ANXA10: variants seen among roughly 807,000 people sequenced by gnomAD.
The protein encoded by ANXA10 is annexin 14.
ANXA10 carries 49 observed loss-of-function variants against 53.5 expected under a neutral mutation model. The observed-to-expected ratio is 0.92, with a 90% CI of 0.73 to 1.16. ANXA10 has a LOEUF of 1.16. ANXA10 is among the 50% of genes most tolerant of loss of function. ANXA10 has a pLI of 0.00. For missense variants in ANXA10, 393 were observed against 394.4 expected (o/e 1.00, Z 0.03); for synonymous variants, 131 against 128.9 (o/e 1.02, Z -0.11).
chr4:168,172,286 G>A (rs913114634), intron 6 of ANXA10, among the ~76,000 whole-genome samples: 6 of 152,144 alleles, frequency 3.9e-5, no homozygotes, highest in African/African-American at 1.2e-4. Context: ...TAGCTGCATA[G>A]GAAAATAAAC....
intron 6 of ANXA10, among the ~76,000 whole-genome samples, chr4:168,171,692 G>C (rs1165075843): frequency 6.6e-6 from 1 of 152,108 alleles, no homozygotes; most frequent in Non-Finnish European, 1.5e-5. Flanking sequence ...AACTGAGCTG[G>C]AACACATTCT....
At chr4:168,127,377 T>C (rs1408002005) in intron 1 of ANXA10, among the ~76,000 whole-genome samples, 3 of 152,178 alleles carry the variant, frequency 2.0e-5, no homozygotes, top group African/African-American at 7.2e-5. Context: ...TTTATGAAGC[T>C]CATAATCCAA....
Position 168,092,578 on chromosome 4 carries a change from G to T in ANXA10, c.-123G>T, listed in dbSNP as rs2149462368. 1 of 960,078 alleles carries T rather than the reference G, an allele frequency of 1.0e-6. No homozygotes were observed. The highest frequency in any genetic ancestry group is 1.6e-6 in the Non-Finnish European group (1 of 631,384). 59.5% of individuals were successfully genotyped at this position (960,078 alleles called of 1,614,324 possible). A position where few individuals can be genotyped will look rare whatever the true frequency, so the allele number is the denominator to read the frequency against. ...ACATTTTCTTGCCTGAGTCTGAGGT[G>T]AACAGTGAACATATTTACATTTGAT... On this transcript the variant is annotated 5_prime_UTR_variant, in exon 1 of 12. Coordinates refer to ENST00000359299, the MANE Select transcript of ANXA10 (RefSeq NM_007193.5).
At chr4:168,184,409 T>C (rs537078329) in intron 10 of ANXA10, 150 bp from the exon 11 acceptor site, 3 of 850,156 alleles carry the variant, frequency 3.5e-6, no homozygotes, top group Admixed American at 4.8e-5. Flanking sequence ...ACTCAGGATC[T>C]GAACCACAGC....
In ANXA10 at chr4:168,165,320, G is replaced by A. The variant is rs1425413262; in HGVS notation, c.474G>A (p.Leu158=). Residue 158 remains leucine (L), a synonymous_variant, in exon 6 of 12, where the codon TTG becomes TTA. Transcript: ENST00000359299. ...ACTTCAGAGATACTCTCATGAACTTGGTCCAGGTATGGCATTCCAAAATTT... is the reference window on the plus strand; with the variant it reads ...ACTTCAGAGATACTCTCATGAACTTAGTCCAGGTATGGCATTCCAAAATTT... ...SGHFRDTLMN[L]VQGTREEGYT... is the part of the protein sequence containing the mutation. 1 of 1,574,500 alleles carries A rather than the reference G, an allele frequency of 6.4e-7. No individual in the cohort carries two copies. The highest frequency in any genetic ancestry group is 8.7e-7 in the Non-Finnish European group (1 of 1,156,046).
chr4:168,173,900 C>A (rs1014224579), intron 6 of ANXA10, among the ~76,000 whole-genome samples: 1 of 152,014 alleles, frequency 6.6e-6, no homozygotes, highest in Non-Finnish European at 1.5e-5. Flanking sequence ...TTTTTGCGTC[C>A]TAACAAACCA....
intron 1 of ANXA10, among the ~76,000 whole-genome samples, chr4:168,117,134 T>A (rs1453958557): frequency 6.6e-6 from 1 of 152,218 alleles, no homozygotes; most frequent in African/African-American, 2.4e-5. Flanking sequence ...TCCCAGCTAC[T>A]TAGGAGGCTG....
chr4:168,163,721 A>T (rs1731824008), intron 4 of ANXA10, among the ~76,000 whole-genome samples: 1 of 152,124 alleles, frequency 6.6e-6, no homozygotes, highest in African/African-American at 2.4e-5. Flanking sequence ...GACCACAGAA[A>T]GCATCCATCC....
intron 11 of ANXA10, among the ~76,000 whole-genome samples, chr4:168,185,451 T>A (rs1019780196): frequency 6.6e-6 from 1 of 152,224 alleles, no homozygotes; most frequent in African/African-American, 2.4e-5. Context: ...GGACTTAATG[T>A]TCCTAGCTAT....
intron 5 of ANXA10, among the ~76,000 whole-genome samples, chr4:168,164,561 C>A (rs1389693949): frequency 6.6e-6 from 1 of 151,874 alleles, no homozygotes; most frequent in Non-Finnish European, 1.5e-5. Context: ...GGAAAGTGTC[C>A]CACATTTTAA....
chr4:168,176,334 C>G (rs911915250), intron 6 of ANXA10, among the ~76,000 whole-genome samples: 1 of 152,124 alleles, frequency 6.6e-6, no homozygotes, highest in Non-Finnish European at 1.5e-5. Context: ...TAGGTCAGAG[C>G]CAAACTGACC....
chr4:168,139,353 A>C (rs1352174317), intron 2 of ANXA10, 133 bp from the exon 3 acceptor site: 1 of 592,236 alleles, frequency 1.7e-6, no homozygotes, highest in African/African-American at 1.8e-5. Context: ...TTCCAATTTT[A>C]GTTAAAATTG....
intron 1 of ANXA10, among the ~76,000 whole-genome samples, chr4:168,106,289 T>C (rs1446478167): frequency 1.3e-5 from 2 of 152,108 alleles, no homozygotes; most frequent in Admixed American, 1.3e-4. Flanking sequence ...AAAACATTTA[T>C]TATGAATTTC....
chr4:168,178,800 C>T (rs570978340), intron 8 of ANXA10, among the ~76,000 whole-genome samples: 7 of 152,272 alleles, frequency 4.6e-5, no homozygotes, highest in African/African-American at 1.4e-4. Flanking sequence ...AGATACTTTG[C>T]TATTTTAATC....
Position 168,147,989 on chromosome 4 carries a change from A to G in ANXA10, c.195+8409A>G, listed in dbSNP as rs528408552. Among the ~76,000 whole-genome samples, 33 of 152,284 alleles carry G rather than the reference A, an allele frequency of 2.2e-4. No homozygotes were observed. In the South Asian group the frequency reaches 6.4e-3, roughly 30 times the overall value. ...CTGTACAGTGGCTGTGCACACCTCAATCAAATGAATTTCCAATGGTTTTGG... is the reference window on the plus strand; with the variant it reads ...CTGTACAGTGGCTGTGCACACCTCAGTCAAATGAATTTCCAATGGTTTTGG... On this transcript the variant is annotated intron_variant, in intron 3 of 11. Transcript: ENST00000359299.
At chr4:168,130,935 A>T (rs1038137431) in intron 2 of ANXA10, among the ~76,000 whole-genome samples, 1 of 151,124 alleles carries the variant, frequency 6.6e-6, no homozygotes, top group African/African-American at 2.4e-5. Context: ...TGTTTCCCCC[A>T]AAAAAAACCA....
intron 3 of ANXA10, among the ~76,000 whole-genome samples, chr4:168,143,721 G>A (rs17525953): frequency 0.025 from 3,768 of 152,274 alleles, 59 homozygotes; most frequent in Middle Eastern, 0.041. Flanking sequence ...CTAAAACAGG[G>A]ACTATCCGGT....
chr4:168,112,493 A>G (rs1442383452), intron 1 of ANXA10, among the ~76,000 whole-genome samples: 1 of 152,252 alleles, frequency 6.6e-6, no homozygotes, highest in Non-Finnish European at 1.5e-5. Context: ...GATAATTTGT[A>G]GACAATGAGA....
chr4:168,101,192 C>T (rs1445303114), intron 1 of ANXA10, among the ~76,000 whole-genome samples: 2 of 151,988 alleles, frequency 1.3e-5, no homozygotes, highest in East Asian at 3.9e-4. Flanking sequence ...TCCCACTTGG[C>T]TCTCTCATTT....
Sources: allele counts gnomAD v4.1 joint callset (sites outside exome capture counted in the v4.1 genomes callset), GRCh38; gene constraint gnomAD v4.1.1; transcripts MANE v1.5; gene names NCBI Gene and HGNC (gene_info 2026-07-23, HGNC 2026-07-21).